The following CFLAR variants were observed in gnomAD, a reference collection of about 807,000 sequenced individuals.
CFLAR encodes CASP8 and FADD like apoptosis regulator, also known as CASP8 and FADD-like apoptosis regulator.
CFLAR carries 14 observed loss-of-function variants against 51.1 expected under a neutral mutation model. The ratio of observed to expected loss-of-function variants is 0.27; its 90% CI spans 0.18 to 0.43. The LOEUF (loss-of-function observed/expected upper bound fraction) is 0.43. Ranked by LOEUF, CFLAR falls within the 20% of genes least tolerant of loss-of-function variation. The probability of loss-of-function intolerance (pLI) is 1.00; values close to 1 mark genes in which losing one functional copy is unlikely to be tolerated. For synonymous variants in CFLAR, 210 were observed against 211.6 expected, an observed-to-expected ratio of 0.99 and a Z score of 0.06; for missense variants, 390 against 566.5, an observed-to-expected ratio of 0.69 and a Z score of 3.16.
intron 3 of CFLAR, among the ~76,000 whole-genome samples, chr2:201,134,318 AT>A (rs1330568740): frequency 2.0e-5 from 3 of 150,160 alleles, no homozygotes; most frequent in South Asian, 2.1e-4. Context: ...AAAAAAAAAA[AT>A]TTTTTTTAAC....
At chr2:201,150,007 T>C in intron 8 of CFLAR, 172 bp downstream of exon 8, 1 of 542,534 alleles carries the variant, frequency 1.8e-6, no homozygotes, top group East Asian at 3.3e-5. Flanking sequence ...TTTGTGAGGC[T>C]GAGATGGGAG....
chr2:201,151,793 G>A (rs1329108597), intron 8 of CFLAR, among the ~76,000 whole-genome samples: 2 of 151,582 alleles, frequency 1.3e-5, no homozygotes, highest in East Asian at 3.9e-4. Context: ...CTCAATGTCT[G>A]TGCTTGCTTC....
intron 6 of CFLAR, chr2:201,147,946 C>T (rs1940560775): frequency 6.6e-6 from 1 of 152,134 alleles, no homozygotes; most frequent in Non-Finnish European, 1.5e-5. Context: ...ACTGTTCAGC[C>T]ATCATTGAAT....
chr2:201,117,857 G>T (rs2047770577), intron 1 of CFLAR, among the ~76,000 whole-genome samples: 1 of 150,538 alleles, frequency 6.6e-6, no homozygotes, highest in Non-Finnish European at 1.5e-5. Flanking sequence ...TCGGGTTCAA[G>T]CGATTCTCGT....
chr2:201,133,149 T>A lies in CFLAR; in HGVS notation c.387+15T>A. On this transcript the variant is annotated intron_variant, in intron 3 of 9. Coordinates refer to ENST00000309955, the MANE Select transcript of CFLAR (RefSeq NM_003879.7). ...GCAAGGAGAAGGTGAGTTTTCTTCT[T>A]TTGGTTCATGGCCCCAGGAGCCTAT... The A allele has an allele frequency of 6.2e-7, 1 of 1,602,940 alleles. No homozygotes were observed. Among genetic ancestry groups the A allele is most frequent in the Middle Eastern group, 1.7e-4 (1 of 6,002 alleles).
intron 8 of CFLAR, chr2:201,157,852 C>A (rs989588085): frequency 6.6e-6 from 1 of 152,254 alleles, no homozygotes; most frequent in African/African-American, 2.4e-5. Context: ...CTCCACCTCA[C>A]CACCTCATAG....
chr2:201,141,643 A>G (rs1308179265), intron 5 of CFLAR: 2 of 1,287,546 alleles, frequency 1.6e-6, no homozygotes, highest in Admixed American at 3.7e-5. Context: ...GATTTCAGCA[A>G]AAGTTATTTT....
chr2:201,174,108 A>C lies in CFLAR; in HGVS notation c.*10135A>C. 1 of 152,224 alleles carries C rather than the reference A, an allele frequency of 6.6e-6. No homozygotes were observed. Among genetic ancestry groups the C allele is most frequent in the East Asian group, 1.9e-4 (1 of 5,206 alleles). 9.4% of individuals were successfully genotyped at this position (152,224 alleles called of 1,614,324 possible). A position where few individuals can be genotyped will look rare whatever the true frequency, so the allele number is the denominator to read the frequency against. On this transcript the variant is annotated 3_prime_UTR_variant, in exon 10 of 10. Coordinates refer to ENST00000309955, the MANE Select transcript of CFLAR (RefSeq NM_003879.7). The stretch of plus-strand genomic sequence containing the variant: ...TCACTTTCTGGATACTATACAGTAC[A>C]AGTTTTAAATTTTGATGAAGTTCAC...
At chr2:201,133,682 G>C (rs757302084) in intron 3 of CFLAR, among the ~76,000 whole-genome samples, 1 of 152,096 alleles carries the variant, frequency 6.6e-6, no homozygotes, top group African/African-American at 2.4e-5. Context: ...TGTAATCCCA[G>C]CACTTTGGGG....
chr2:201,146,015 G>A (rs761771202), intron 6 of CFLAR, among the ~76,000 whole-genome samples: 3 of 151,474 alleles, frequency 2.0e-5, no homozygotes, highest in East Asian at 1.9e-4. Context: ...CACCCAGGCC[G>A]GAGTGCAGTG....
chr2:201,132,422 G>A (rs1158997482), intron 2 of CFLAR, among the ~76,000 whole-genome samples: 2 of 128,216 alleles, frequency 1.6e-5, no homozygotes. Flanking sequence ...ATTTCCTAGG[G>A]GGGGAAAAAT....
intron 4 of CFLAR, chr2:201,137,992 A>T: frequency 1.3e-6 from 1 of 743,222 alleles, no homozygotes; most frequent in Middle Eastern, 3.7e-4. Flanking sequence ...GGCACACCAA[A>T]GTTCTGGGTA....
At chr2:201,157,569 G>A (rs915272933) in intron 8 of CFLAR, among the ~76,000 whole-genome samples, 1 of 151,562 alleles carries the variant, frequency 6.6e-6, no homozygotes, top group East Asian at 1.9e-4. Context: ...TAGAGACGGG[G>A]TTCCCTGTGA....
intron 1 of CFLAR, among the ~76,000 whole-genome samples, chr2:201,126,031 G>A (rs1002386879): frequency 6.6e-6 from 1 of 152,100 alleles, no homozygotes; most frequent in Non-Finnish European, 1.5e-5. Context: ...AGCATGCGCT[G>A]TCTGATTGTT....
intron 4 of CFLAR, chr2:201,136,767 C>A (rs904636238): frequency 1.6e-5 from 6 of 383,134 alleles, no homozygotes; most frequent in Admixed American, 8.0e-5. Context: ...GATCAAAGAT[C>A]AAAAACAGAA....
chr2:201,128,538 ATG>A (rs2048929693), intron 1 of CFLAR, among the ~76,000 whole-genome samples: 1 of 152,166 alleles, frequency 6.6e-6, no homozygotes, highest in African/African-American at 2.4e-5. Flanking sequence ...TTTTCTATTT[ATG>A]TGTTTTTATT....
At chr2:201,157,533 T>C (rs551644997) in intron 8 of CFLAR, among the ~76,000 whole-genome samples, 1 of 152,174 alleles carries the variant, frequency 6.6e-6, no homozygotes, top group East Asian at 1.9e-4. Flanking sequence ...TGTACTACCA[T>C]GCCTGGCTAG....
At chr2:201,120,632 G>A (rs1267092602) in intron 1 of CFLAR, among the ~76,000 whole-genome samples, 1 of 135,004 alleles carries the variant, frequency 7.4e-6, no homozygotes, top group Non-Finnish European at 1.5e-5. Context: ...TCCTCTCATA[G>A]TTACTTAACT....
intron 4 of CFLAR, chr2:201,136,729 C>G: frequency 1.9e-6 from 1 of 527,334 alleles, no homozygotes; most frequent in Non-Finnish European, 3.3e-6. Context: ...ATAGAGCACT[C>G]TTTTACCCCA....
Sources: gnomAD v4.1 joint callset for allele counts (sites outside exome capture counted in the v4.1 genomes callset) on GRCh38, gnomAD v4.1.1 for gene constraint, MANE v1.5 for transcripts, NCBI Gene and HGNC (gene_info 2026-07-23, HGNC 2026-07-21) for gene names.